The following REL variants were observed in gnomAD, a reference collection of about 807,000 sequenced individuals.
The protein encoded by REL is proto-oncogene c-Rel.
REL carries 15 observed loss-of-function variants against 45.9 expected under a neutral mutation model. That is an observed-to-expected ratio of 0.33 (90% confidence interval 0.22 to 0.50). The LOEUF is 0.50. Ranked by LOEUF, REL falls within the 20% of genes least tolerant of loss-of-function variation. REL has a pLI of 0.98. For synonymous variants in REL, 239 were observed against 242.1 expected (o/e 0.99, Z 0.12); for missense variants, 601 against 715.2 (o/e 0.84, Z 1.82).
intron 1 of REL, among the ~76,000 whole-genome samples, chr2:60,890,930 C>A (rs1673194057): frequency 6.6e-6 from 1 of 152,200 alleles, no homozygotes; most frequent in Admixed American, 6.5e-5. Context: ...TTTCACTCAG[C>A]ATAATCATTT....
At chr2:60,901,466 A>G (rs1402376024) in intron 4 of REL, among the ~76,000 whole-genome samples, 1 of 152,142 alleles carries the variant, frequency 6.6e-6, no homozygotes, top group African/African-American at 2.4e-5. Context: ...CCAGCTATTT[A>G]TATCTTCAAC....
At chr2:60,895,506 C>G (rs1357186405) in intron 3 of REL, among the ~76,000 whole-genome samples, 2 of 151,996 alleles carry the variant, frequency 1.3e-5, no homozygotes, top group Non-Finnish European at 2.9e-5. Context: ...ATAAAAATGC[C>G]TGGATGTGAG....
At chr2:60,906,636 G>A (rs1202855322) in intron 4 of REL, among the ~76,000 whole-genome samples, 4 of 151,756 alleles carry the variant, frequency 2.6e-5, no homozygotes, top group South Asian at 4.2e-4. Context: ...TGTTTTTGCC[G>A]TTCTGAACTA....
At position 60,894,401 on chromosome 2, in the gene REL, T is replaced by C. The variant is rs1158932766; in HGVS notation, c.158T>C (p.Met53Thr). The C allele has an allele frequency of 2.0e-6, 3 of 1,517,434 alleles. No individual in the cohort carries two copies. Among genetic ancestry groups the C allele is most frequent in the Non-Finnish European group, 2.7e-6 (3 of 1,117,078 alleles). The allele number at this position is 1,517,434 out of a possible 1,614,324, so 94.0% of individuals were successfully genotyped here. The change falls in exon 3 of 10, where the codon ATG becomes ACG. Residue 53 changes from methionine to threonine, a missense_variant. Coordinates refer to ENST00000394479, the MANE Select transcript of REL (RefSeq NM_001291746.2). ...TTAATTTCCCCCTTTTTTCAGATTA[T>C]GAACTATTATGGAAAAGGAAAAGTG... ...NNRTYPSIQIMNYYGKGKVRI... is the reference protein window; with the variant it reads ...NNRTYPSIQITNYYGKGKVRI...
rs1213426604 is a variant in REL, at chr2:60,931,222, AAC to A, written c.*8691_*8692del. The A allele has an allele frequency of 2.6e-5, 4 of 152,350 alleles. No individual in the cohort carries two copies. Among genetic ancestry groups the A allele is most frequent in the South Asian group, 4.1e-4 (2 of 4,828 alleles). The allele number at this position is 152,350 out of a possible 1,614,324, so 9.4% of individuals were successfully genotyped here. A position where few individuals can be genotyped will look rare whatever the true frequency, so the allele number is the denominator to read the frequency against. On this transcript the variant is annotated 3_prime_UTR_variant, in exon 10 of 10. Coordinates refer to ENST00000394479, the MANE Select transcript of REL (RefSeq NM_001291746.2). ...AGCTTTAAGATGATGTGGCAAGGAAAACACAAAGCTTTTGGGTAACCAGCGTT... is the reference window on the plus strand; with the variant it reads ...AGCTTTAAGATGATGTGGCAAGGAAAACAAAGCTTTTGGGTAACCAGCGTT...
chr2:60,903,302 AT>A (rs1366564198), intron 4 of REL, among the ~76,000 whole-genome samples: 1 of 152,214 alleles, frequency 6.6e-6, no homozygotes, highest in Non-Finnish European at 1.5e-5. Flanking sequence ...CCTGGAATTC[AT>A]ATGCAGGTTC....
At chr2:60,906,008 A>C (rs774496539) in intron 4 of REL, among the ~76,000 whole-genome samples, 43 of 152,220 alleles carry the variant, frequency 2.8e-4, no homozygotes, top group African/African-American at 1.0e-3. Flanking sequence ...ACAGTTCCAC[A>C]TGGCTGGGGA....
chr2:60,917,705 TGTGTGTGTGTAC>T (rs1464987926), intron 5 of REL, among the ~76,000 whole-genome samples: 19 of 150,400 alleles, frequency 1.3e-4, no homozygotes, highest in African/African-American at 4.2e-4. Context: ...TGTGTGTGTG[TGTGTGTGTGTAC>T]GTGTGTGTGT....
At chr2:60,917,134 A>T in intron 5 of REL, 117 bp downstream of exon 5, 1 of 832,298 alleles carries the variant, frequency 1.2e-6, no homozygotes, top group Non-Finnish European at 1.8e-6. Flanking sequence ...AAACTTCCAG[A>T]CATTAGAGAA....
chr2:60,896,835 T>C (rs1673363150), intron 3 of REL, among the ~76,000 whole-genome samples: 1 of 152,234 alleles, frequency 6.6e-6, no homozygotes, highest in Admixed American at 6.5e-5. Context: ...ATTGTCCTAA[T>C]AATGCTCTTT....
At chr2:60,883,640 A>T (rs1243201134) in intron 1 of REL, among the ~76,000 whole-genome samples, 3 of 152,164 alleles carry the variant, frequency 2.0e-5, no homozygotes, top group African/African-American at 7.2e-5. Context: ...TAATACTTCT[A>T]ATTTTTTCAG....
intron 4 of REL, among the ~76,000 whole-genome samples, chr2:60,915,287 A>G (rs372159259): frequency 1.1e-4 from 16 of 152,236 alleles, no homozygotes; most frequent in African/African-American, 3.9e-4. Flanking sequence ...CATCTTTGCA[A>G]TTGAGAGACA....
chr2:60,881,644 G>T lies in REL; in HGVS notation c.-197G>T, dbSNP rs943052225. 15 of 523,398 alleles carry T rather than the reference G, an allele frequency of 2.9e-5. No individual in the cohort carries two copies. Among genetic ancestry groups the T allele is most frequent in the African/African-American group, 2.6e-4 (13 of 49,334 alleles). The allele number at this position is 523,398 out of a possible 1,614,324, so 32.4% of individuals were successfully genotyped here. On this transcript the variant is annotated 5_prime_UTR_variant, in exon 1 of 10. Coordinates refer to ENST00000394479, the MANE Select transcript of REL (RefSeq NM_001291746.2). ...TGGACGGCGACGCTGGGTGACCCGG[G>T]GTGCAAGAATTCAGGGGTTGGGAAG...
At position 60,923,595 on chromosome 2, in the gene REL, C is replaced by T. The variant is rs1336452639; in HGVS notation, c.*1060C>T. On this transcript the variant is annotated 3_prime_UTR_variant, in exon 10 of 10. Coordinates refer to ENST00000394479, the MANE Select transcript of REL (RefSeq NM_001291746.2). ...CTCAGTAAATGGCAATGCCATACTT[C>T]TGGTTGCTCAGGCCAAAAACCCTGA... 1 of 232,704 alleles carries T rather than the reference C, an allele frequency of 4.3e-6. No homozygotes were observed. The highest frequency in any genetic ancestry group is 2.2e-5 in the African/African-American group (1 of 45,298). The allele number at this position is 232,704 out of a possible 1,614,324, so 14.4% of individuals were successfully genotyped here.
At chr2:60,884,099 CAA>C (rs199826692) in intron 1 of REL, among the ~76,000 whole-genome samples, 20 of 66,678 alleles carry the variant, frequency 3.0e-4, no homozygotes, top group Non-Finnish European at 3.1e-4. Flanking sequence ...GAAGAGTGAC[CAA>C]AAAAAAAAAA....
Position 60,924,232 on chromosome 2 carries a change from G to A in REL, c.*1697G>A, listed in dbSNP as rs924135761. 2.6e-5 allele frequency: 6 copies of A among 227,706 alleles called. No individual in the cohort carries two copies. The highest frequency in any genetic ancestry group is 8.9e-5 in the African/African-American group (4 of 44,986). The allele number at this position is 227,706 out of a possible 1,614,324, so 14.1% of individuals were successfully genotyped here. A position where few individuals can be genotyped will look rare whatever the true frequency, so the allele number is the denominator to read the frequency against. The stretch of plus-strand genomic sequence containing the variant: ...TATGTATGTCCATAGCACTCACCAC[G>A]ATCTGACTTTACTAAGTATTTATTC... On this transcript the variant is annotated 3_prime_UTR_variant, in exon 10 of 10. Coordinates refer to ENST00000394479, the MANE Select transcript of REL (RefSeq NM_001291746.2).
intron 3 of REL, 75 bp downstream of exon 3, chr2:60,894,620 T>C: frequency 1.7e-6 from 2 of 1,164,506 alleles, no homozygotes; most frequent in Non-Finnish European, 2.3e-6. Context: ...CATGACAATC[T>C]GTTACTTTTT....
chr2:60,923,676 A>T lies in REL; in HGVS notation c.*1141A>T, dbSNP rs1038657812. The stretch of plus-strand genomic sequence containing the variant: ...TATCCAATCCATTAGCAAATCTGGT[A>T]GACCCTACCTTCACAATATATCTAA... On this transcript the variant is annotated 3_prime_UTR_variant, in exon 10 of 10. Transcript: ENST00000394479. The T allele has an allele frequency of 4.3e-6, 1 of 233,014 alleles. No individual in the cohort carries two copies. The highest frequency in any genetic ancestry group is 1.3e-3 in the Middle Eastern group (1 of 786). The allele number at this position is 233,014 out of a possible 1,614,324, so 14.4% of individuals were successfully genotyped here.
At chr2:60,913,524 G>T (rs961422385) in intron 4 of REL, among the ~76,000 whole-genome samples, 1 of 152,080 alleles carries the variant, frequency 6.6e-6, no homozygotes, top group Non-Finnish European at 1.5e-5. Context: ...TACTCCTAGG[G>T]TATAGCTCTT....
Sources: gnomAD v4.1 joint callset for allele counts (sites outside exome capture counted in the v4.1 genomes callset) on GRCh38, gnomAD v4.1.1 for gene constraint, MANE v1.5 for transcripts, NCBI Gene and HGNC (gene_info 2026-07-23, HGNC 2026-07-21) for gene names.